Variants in MEAK7 observed in about 807,000 individuals in gnomAD.
MEAK7 encodes the protein MTOR-associated protein MEAK7.
Under a neutral mutation model 40.5 loss-of-function variants are expected in MEAK7, and 68 were observed. The observed-to-expected ratio is 1.68, with a 90% CI of 1.38 to 2.06. MEAK7 has a LOEUF of 2.06. MEAK7 is among the 30% of genes most tolerant of loss of function. The pLI is 0.00. For missense variants in MEAK7, 918 were observed against 580.5 expected, an observed-to-expected ratio of 1.58 and a Z score of -5.98; for synonymous variants, 338 against 231.9, an observed-to-expected ratio of 1.46 and a Z score of -4.16.
chr16:84,487,137 T>G, intron 4 of MEAK7, 78 bp from the exon 5 acceptor site: 7 of 1,418,024 alleles, frequency 4.9e-6, no homozygotes, highest in East Asian at 2.3e-5. Context: ...CACTGATCAG[T>G]GTGGGAGCCA....
intron 7 of MEAK7, 50 bp from the exon 8 acceptor site, chr16:84,480,076 G>C (rs59988001): frequency 7.0e-7 from 1 of 1,422,848 alleles, no homozygotes; most frequent in East Asian, 2.4e-5. Context: ...CCCAACAAGA[G>C]GCAGCAGCTT....
chr16:84,497,903 C>A (rs369363155), intron 2 of MEAK7, 31 bp downstream of exon 2: 8 of 1,614,084 alleles, frequency 5.0e-6, no homozygotes, highest in Non-Finnish European at 6.8e-6. Context: ...CTGCTCCCAA[C>A]TAAACATGAA....
intron 3 of MEAK7, among the ~76,000 whole-genome samples, chr16:84,492,345 G>T (rs529729259): frequency 1.3e-5 from 2 of 151,956 alleles, no homozygotes; most frequent in Admixed American, 1.3e-4. Context: ...TACATCTTAT[G>T]GTCAAGATGA....
chr16:84,495,927 G>C lies in MEAK7; in HGVS notation c.154-14C>G. Reference sequence around the variant, plus strand: ...CCCGACGTGGTTCTGCCGGGGACAAGCAGAAAAATATGGTTAGACAGTGCA... The same window carrying C: ...CCCGACGTGGTTCTGCCGGGGACAACCAGAAAAATATGGTTAGACAGTGCA... On this transcript the variant is annotated splice_polypyrimidine_tract_variant and intron_variant, in intron 2 of 7. Coordinates refer to ENST00000343629, the MANE Select transcript of MEAK7 (RefSeq NM_020947.4). 3 of 1,613,252 alleles carry C rather than the reference G, an allele frequency of 1.9e-6. No homozygotes were observed. The highest frequency in any genetic ancestry group is 2.5e-6 in the Non-Finnish European group (3 of 1,179,762).
intron 3 of MEAK7, among the ~76,000 whole-genome samples, chr16:84,492,165 G>C (rs1373002987): frequency 6.6e-6 from 1 of 152,174 alleles, no homozygotes; most frequent in Non-Finnish European, 1.5e-5. Context: ...CCGATTTTGA[G>C]AGAGAAAATT....
At position 84,498,120 on chromosome 16, in the gene MEAK7, G is replaced by C. The variant is rs749509299; in HGVS notation, c.-25-9C>G. 6.5e-7 allele frequency: 1 copy of C among 1,547,214 alleles called. No individual in the cohort carries two copies. The highest frequency in any genetic ancestry group is 8.7e-7 in the Non-Finnish European group (1 of 1,151,528). ...ATATCTGGCAGAATTCTCTGCAGAAGGAAAAGACACAACATTAGAAAAATC... is the reference window on the plus strand; with the variant it reads ...ATATCTGGCAGAATTCTCTGCAGAACGAAAAGACACAACATTAGAAAAATC... On this transcript the variant is annotated splice_polypyrimidine_tract_variant and intron_variant, in intron 1 of 7. Coordinates refer to ENST00000343629, the MANE Select transcript of MEAK7 (RefSeq NM_020947.4).
At position 84,486,969 on chromosome 16, in the gene MEAK7, G is replaced by A. The variant is rs1253085310; in HGVS notation, c.620C>T (p.Ala207Val). ...GCAAATGACCACACTCAGGAATATGGCCACATGGGGGACCCTGAACACCCA... is the reference window on the plus strand; with the variant it reads ...GCAAATGACCACACTCAGGAATATGACCACATGGGGGACCCTGAACACCCA... ...EDWVFRVPHVAIFLSVVICKG... is the reference protein window; with the variant it reads ...EDWVFRVPHVVIFLSVVICKG... The change falls in exon 5 of 8, where the codon GCC becomes GTC. Residue 207 changes from alanine (A) to valine (V), a missense_variant. Coordinates refer to ENST00000343629, the MANE Select transcript of MEAK7 (RefSeq NM_020947.4). 8 of 1,614,040 alleles carry A rather than the reference G, an allele frequency of 5.0e-6. No homozygotes were observed. The African/African-American group carries it at 8.0e-5, about 16-fold the overall frequency.
In MEAK7 at chr16:84,489,410, G is replaced by A. The variant is rs747508282; in HGVS notation, c.397C>T (p.Leu133=). Residue 133 remains leucine (L), a synonymous_variant, in exon 4 of 8, where the codon CTG becomes TTG. Coordinates refer to ENST00000343629, the MANE Select transcript of MEAK7 (RefSeq NM_020947.4). The stretch of plus-strand genomic sequence containing the variant: ...AGCACGTGCACCACAGAGCCAACCA[G>A]ATCCTCTGTAAACTGTAAGATCACA... The part of the protein sequence containing the change: ...AREVQKFTED[L]VGSVVHVLSH... The A allele has an allele frequency of 1.2e-6, 2 of 1,611,716 alleles. No individual in the cohort carries two copies. Among genetic ancestry groups the A allele is most frequent in the Non-Finnish European group, 1.7e-6 (2 of 1,178,836 alleles).
chr16:84,503,900 C>G (rs1270891075), intron 1 of MEAK7: 3 of 982,950 alleles, frequency 3.1e-6, no homozygotes, highest in Admixed American at 6.1e-5. Flanking sequence ...CTGCCAAGCT[C>G]CAACTCTCTA....
intron 2 of MEAK7, 50 bp downstream of exon 2, chr16:84,497,884 T>G (rs184899102): frequency 2.1e-4 from 339 of 1,610,144 alleles, no homozygotes; most frequent in Non-Finnish European, 2.7e-4. Context: ...AGCCACAGTT[T>G]GCAGACCCCT....
intron 5 of MEAK7, 25 bp downstream of exon 5, chr16:84,486,606 C>A (rs1228292167): frequency 2.5e-6 from 4 of 1,569,708 alleles, no homozygotes; most frequent in African/African-American, 2.7e-5. Context: ...TGCCACTCGT[C>A]AAGGTTCAGG....
intron 1 of MEAK7, chr16:84,502,708 C>T (rs972596015): frequency 3.3e-5 from 5 of 152,014 alleles, no homozygotes; most frequent in Admixed American, 3.3e-4. Flanking sequence ...TCGTCTCTGC[C>T]AAAAATACAA....
At chr16:84,487,277 A>C (rs1913173872) in intron 4 of MEAK7, 1 of 537,352 alleles carries the variant, frequency 1.9e-6, no homozygotes, top group African/African-American at 1.9e-5. Context: ...TCAATTTTTA[A>C]ATATTCATTA....
At chr16:84,489,231 C>G (rs776203368) in intron 4 of MEAK7, 47 bp downstream of exon 4, 4 of 1,597,648 alleles carry the variant, frequency 2.5e-6, no homozygotes, top group Non-Finnish European at 3.4e-6. Context: ...ACAGCAGGTA[C>G]CGCTCTACAG....
At chr16:84,482,841 G>C (rs1156884012) in intron 5 of MEAK7, 131 bp from the exon 6 acceptor site, 20 of 1,394,368 alleles carry the variant, frequency 1.4e-5, no homozygotes, top group Non-Finnish European at 1.9e-5. Context: ...CCAGGTGTCG[G>C]CAGATCAGGG....
At position 84,492,543 on chromosome 16, in the gene MEAK7, C is replaced by G. The variant is rs1351842773; in HGVS notation, c.385-3121G>C. ...GACTTATTTTACAATGACCTGTGAT[C>G]TTATTTTGTGATATCAAGTGTTTTA... On this transcript the variant is annotated intron_variant, in intron 3 of 7. Transcript: ENST00000343629. Among the ~76,000 whole-genome samples, 12 of 135,532 alleles carry G rather than the reference C, an allele frequency of 8.9e-5. No individual in the cohort carries two copies. The Admixed American group carries it at 9.4e-4, about 11-fold the overall frequency. The allele number at this position is 135,532 out of a possible 152,430, so 88.9% of individuals were successfully genotyped here.
chr16:84,480,177 G>T (rs1912399681), intron 7 of MEAK7, 151 bp from the exon 8 acceptor site: 2 of 649,898 alleles, frequency 3.1e-6, no homozygotes, highest in Middle Eastern at 3.8e-4. Context: ...TGGGTGGGTA[G>T]GAGGTATTAC....
At chr16:84,494,230 C>A (rs1283597717) in intron 3 of MEAK7, among the ~76,000 whole-genome samples, 1 of 151,978 alleles carries the variant, frequency 6.6e-6, no homozygotes, top group Non-Finnish European at 1.5e-5. Flanking sequence ...ATAAGTTGGT[C>A]CTACTATGAT....
At chr16:84,490,055 A>C (rs1425307878) in intron 3 of MEAK7, among the ~76,000 whole-genome samples, 4 of 152,190 alleles carry the variant, frequency 2.6e-5, no homozygotes, top group Non-Finnish European at 4.4e-5. Flanking sequence ...GTCTTCATTT[A>C]CCAATGGTCT....
Sources: allele counts gnomAD v4.1 joint callset (sites outside exome capture counted in the v4.1 genomes callset), GRCh38; gene constraint gnomAD v4.1.1; transcripts MANE v1.5; gene names NCBI Gene and HGNC (gene_info 2026-07-23, HGNC 2026-07-21).